Variants in FREM2 observed in about 807,000 individuals in gnomAD.
FREM2 encodes the protein FRAS1 related extracellular matrix 2.
In FREM2, 119 loss-of-function variants were observed where a neutral mutation model predicts 219.9. The ratio of observed to expected loss-of-function variants is 0.54; its 90% CI spans 0.47 to 0.63. FREM2 has a LOEUF of 0.63. FREM2 is among the 30% of genes least tolerant of loss of function. The probability of loss-of-function intolerance (pLI) is 0.00; values close to 1 mark genes in which losing one functional copy is unlikely to be tolerated. For synonymous variants in FREM2, 1,562 were observed against 1,522.8 expected, an observed-to-expected ratio of 1.03 and a Z score of -0.60; for missense variants, 4,030 against 3,993.6, an observed-to-expected ratio of 1.01 and a Z score of -0.25.
chr13:38,785,215 C>T (rs375836468), intron 6 of FREM2, among the ~76,000 whole-genome samples: 5 of 151,994 alleles, frequency 3.3e-5, no homozygotes, highest in Non-Finnish European at 5.9e-5. Flanking sequence ...AGAAACCTGT[C>T]GGGCAAGGCT....
At chr13:38,877,700 T>G (rs1941095722) in intron 21 of FREM2, among the ~76,000 whole-genome samples, 1 of 152,026 alleles carries the variant, frequency 6.6e-6, no homozygotes, top group South Asian at 2.1e-4. Context: ...CACCAGGGGG[T>G]TTCATTAAAC....
At chr13:38,770,823 C>A (rs1039511619) in intron 4 of FREM2, among the ~76,000 whole-genome samples, 3 of 151,932 alleles carry the variant, frequency 2.0e-5, no homozygotes, top group African/African-American at 4.8e-5. Context: ...CATACTTCTA[C>A]AGTCCTGGCT....
chr13:38,802,943 CAGCTG>C (rs1875077846), intron 6 of FREM2, among the ~76,000 whole-genome samples: 1 of 152,194 alleles, frequency 6.6e-6, no homozygotes, highest in Non-Finnish European at 1.5e-5. Context: ...CAGCCAATCC[CAGCTG>C]AGCAGGTTGC....
In FREM2 at chr13:38,848,550, C is replaced by A. The variant is rs770994036; in HGVS notation, c.6259C>A (p.Leu2087Ile). Residue 2087 changes from leucine (L) to isoleucine (I), a missense_variant, in exon 8 of 24, where the codon CTT (leucine) becomes ATT (isoleucine). This residue lies in a region of FREM2 where 3,102 missense variants were observed against 2,950.7 expected (regional missense o/e 1.05). Transcript: ENST00000280481. ...TGTTCGTGTTGTCATTCTGGATGAC[C>A]TTGGACAACCAGCGCTGGAGGGAAT... ...QPVRVVILDDLGQPALEGIEK... is the reference protein window; with the variant it reads ...QPVRVVILDDIGQPALEGIEK... 6 of 1,613,902 alleles carry A rather than the reference C, an allele frequency of 3.7e-6. No individual in the cohort carries two copies. In the African/African-American group the frequency reaches 6.7e-5, roughly 18 times the overall value.
At chr13:38,769,849 G>A (rs769638358) in intron 4 of FREM2, 41 bp downstream of exon 4, 2 of 1,477,452 alleles carry the variant, frequency 1.4e-6, no homozygotes, top group African/African-American at 1.4e-5. Flanking sequence ...TTGCTGTTGG[G>A]CTGCTATGAC....
intron 6 of FREM2, among the ~76,000 whole-genome samples, chr13:38,816,072 A>T (rs1875753126): frequency 6.6e-6 from 1 of 152,212 alleles, no homozygotes; most frequent in South Asian, 2.1e-4. Context: ...ATGACTGAGG[A>T]CATTGAATCA....
At chr13:38,839,519 A>G (rs4943611) in intron 6 of FREM2, among the ~76,000 whole-genome samples, 21,533 of 152,162 alleles carry the variant, frequency 0.14, 1,760 homozygotes, top group Admixed American at 0.24. Flanking sequence ...TCTCTTCAGA[A>G]CTGGCAGGCA....
At chr13:38,738,565 C>CAAAAAA (rs71074478) in intron 2 of FREM2, among the ~76,000 whole-genome samples, 50 of 48,478 alleles carry the variant, frequency 1.0e-3, no homozygotes, top group African/African-American at 3.2e-3. Flanking sequence ...GACTCCATCT[C>CAAAAAA]AAAAAAAAAA....
Position 38,690,322 on chromosome 13 carries a change from A to G in FREM2, c.2978A>G (p.Glu993Gly), listed in dbSNP as rs61742843. 1,627 of 1,614,204 alleles carry G rather than the reference A, an allele frequency of 1.0e-3. 18 individuals carry two copies. The African/African-American group carries it at 0.019, about 19-fold the overall frequency. ...FLLEDPPLYG[E>G]ILVNGIPAEQ... ...TTGGAAGATCCACCTTTGTATGGGG[A>G]AATCTTGGTCAATGGCATTCCAGCA... The change falls in exon 1 of 24, where the codon GAA (glutamate) becomes GGA (glycine). Residue 993 changes from glutamate (E) to glycine (G), a missense_variant. Glu to Gly is a moderately conservative substitution (Grantham distance 98). Coordinates refer to ENST00000280481, the MANE Select transcript of FREM2 (RefSeq NM_207361.6).
At chr13:38,742,456 C>T (rs1210965163) in intron 2 of FREM2, among the ~76,000 whole-genome samples, 1 of 152,106 alleles carries the variant, frequency 6.6e-6, no homozygotes, top group Non-Finnish European at 1.5e-5. Flanking sequence ...CTGGCAGTAT[C>T]GATTTTTGGG....
intron 6 of FREM2, among the ~76,000 whole-genome samples, chr13:38,812,135 A>T (rs1371412831): frequency 6.6e-6 from 1 of 151,874 alleles, no homozygotes; most frequent in Non-Finnish European, 1.5e-5. Flanking sequence ...TTTGGTTTCC[A>T]TTCGTGTGGG....
intron 2 of FREM2, among the ~76,000 whole-genome samples, chr13:38,700,763 T>C (rs9315610): frequency 0.028 from 4,242 of 152,092 alleles, 179 homozygotes; most frequent in African/African-American, 0.095. Flanking sequence ...TCCACACTTA[T>C]TCAGGATAGG....
chr13:38,725,555 C>CCAAG (rs1202106125), intron 2 of FREM2, among the ~76,000 whole-genome samples: 1 of 152,100 alleles, frequency 6.6e-6, no homozygotes, highest in Non-Finnish European at 1.5e-5. Context: ...GTTCTTTGTG[C>CCAAG]CAAGGTCTGA....
intron 6 of FREM2, among the ~76,000 whole-genome samples, chr13:38,799,973 A>G (rs1050179453): frequency 6.6e-6 from 1 of 152,154 alleles, no homozygotes; most frequent in Admixed American, 6.5e-5. Flanking sequence ...TTCTTCCAAA[A>G]TTATGATTGA....
At chr13:38,731,966 T>A (rs1871784618) in intron 2 of FREM2, among the ~76,000 whole-genome samples, 1 of 152,178 alleles carries the variant, frequency 6.6e-6, no homozygotes, top group Non-Finnish European at 1.5e-5. Flanking sequence ...AAAAAGATGA[T>A]TCTGAATTTT....
In FREM2 at chr13:38,846,797, T is replaced by G. The variant is rs1199017854; in HGVS notation, c.6169+75T>G. 2.7e-6 allele frequency: 4 copies of G among 1,498,802 alleles called. No individual in the cohort carries two copies. The Admixed American group carries it at 5.0e-5, about 19-fold the overall frequency. 92.8% of individuals were successfully genotyped at this position (1,498,802 alleles called of 1,614,324 possible). ...ACCATGGCACAAATTTATTTAAAGC[T>G]GAAATACTTCACTTCTATTAAAGCA... On this transcript the variant is annotated intron_variant, in intron 7 of 23. Transcript: ENST00000280481.
intron 6 of FREM2, among the ~76,000 whole-genome samples, chr13:38,823,551 G>A (rs1566155534): frequency 6.6e-6 from 1 of 151,918 alleles, no homozygotes; most frequent in Admixed American, 6.6e-5. Flanking sequence ...AACATATGAG[G>A]CTGTCTACTT....
At chr13:38,779,541 T>C (rs1874031717) in intron 4 of FREM2, 1 of 151,908 alleles carries the variant, frequency 6.6e-6, no homozygotes, top group Non-Finnish European at 1.5e-5. Context: ...GGTGAGGATG[T>C]CCCTAGCCAC....
intron 2 of FREM2, among the ~76,000 whole-genome samples, chr13:38,728,959 C>T (rs1217572290): frequency 1.3e-5 from 2 of 152,204 alleles, no homozygotes; most frequent in Admixed American, 1.3e-4. Flanking sequence ...CCTCAGCCTC[C>T]CAAGTAGCTG....
Sources: gnomAD v4.1 joint callset for allele counts (sites outside exome capture counted in the v4.1 genomes callset) on GRCh38, gnomAD v4.1.1 for gene constraint, gnomAD v4.1.1 regional missense constraint, MANE v1.5 for transcripts, NCBI Gene and HGNC (gene_info 2026-07-23, HGNC 2026-07-21) for gene names.